Variants in RANBP2 observed in about 807,000 individuals in gnomAD.
RANBP2 encodes the protein RAN binding protein 2, also known as E3 SUMO-protein ligase RanBP2.
A neutral mutation model predicts 303.6 loss-of-function variants in RANBP2; 57 were observed. The observed-to-expected ratio is 0.19, with a 90% confidence interval of 0.15 to 0.23. The LOEUF is 0.23. RANBP2 is among the 10% of genes least tolerant of loss of function. The probability of loss-of-function intolerance (pLI) is 1.00; values close to 1 mark genes in which losing one functional copy is unlikely to be tolerated. For missense variants in RANBP2, 3,138 were observed against 3,780.8 expected (o/e 0.83, Z 4.46); for synonymous variants, 1,167 against 1,301.5 (o/e 0.90, Z 2.23).
the RANBP2 span, among the ~76,000 whole-genome samples, chr2:109,512,464 T>TG: frequency 1.3e-5 from 2 of 152,090 alleles, no homozygotes; most frequent in African/African-American, 4.8e-5. Context: ...CCAGGCTGCC[T>TG]GGGGGTCCAC....
At chr2:108,994,826 A>C in the RANBP2 span, among the ~76,000 whole-genome samples, 292 of 4,132 alleles carry the variant, frequency 0.071, 1 homozygote, top group African/African-American at 0.21. Context: ...ATATATATAT[A>C]TATCTTTTTT....
chr2:109,163,657 C>T, the RANBP2 span, among the ~76,000 whole-genome samples: 1 of 152,028 alleles, frequency 6.6e-6, no homozygotes, highest in Non-Finnish European at 1.5e-5. Flanking sequence ...CCTCGGCCTC[C>T]CAAAGTGCTG....
At chr2:108,843,547 A>G in the RANBP2 span, among the ~76,000 whole-genome samples, 1 of 152,296 alleles carries the variant, frequency 6.6e-6, no homozygotes, top group South Asian at 2.1e-4. Context: ...TTCACTGGGT[A>G]TCAGATTCTA....
intron 18 of RANBP2, among the ~76,000 whole-genome samples, chr2:108,759,782 T>A (rs1676594559): frequency 6.6e-6 from 1 of 152,180 alleles, no homozygotes. Flanking sequence ...TTCCTGGGGC[T>A]TTTTTAGTGA....
the RANBP2 span, among the ~76,000 whole-genome samples, chr2:108,853,901 T>A: frequency 1.5e-4 from 18 of 118,618 alleles, no homozygotes; most frequent in South Asian, 2.0e-3. Flanking sequence ...GTATATATAT[T>A]ATATATTATA....
At chr2:108,826,479 C>T in the RANBP2 span, among the ~76,000 whole-genome samples, 1 of 152,060 alleles carries the variant, frequency 6.6e-6, no homozygotes, top group Non-Finnish European at 1.5e-5. Flanking sequence ...TGTAGATACC[C>T]ATTTGTTTCA....
the RANBP2 span, among the ~76,000 whole-genome samples, chr2:109,163,390 CTTTTTTTT>C: frequency 1.3e-4 from 9 of 70,266 alleles, no homozygotes; most frequent in South Asian, 6.8e-4. Flanking sequence ...AGCAAATATT[CTTTTTTTT>C]TTTTTTTTTT....
chr2:109,656,584 C>T, the RANBP2 span, among the ~76,000 whole-genome samples: 2,567 of 152,324 alleles, frequency 0.017, 90 homozygotes, highest in African/African-American at 0.058. Context: ...AGGTGATCCA[C>T]CCTCCTCGGC....
At chr2:109,410,092 A>C in the RANBP2 span, among the ~76,000 whole-genome samples, 20 of 152,208 alleles carry the variant, frequency 1.3e-4, no homozygotes, top group African/African-American at 4.8e-4. Context: ...GTTCCCAGCC[A>C]CTGCTTAGGG....
chr2:109,133,085 G>A, the RANBP2 span, among the ~76,000 whole-genome samples: 2 of 152,232 alleles, frequency 1.3e-5, no homozygotes, highest in African/African-American at 2.4e-5. Context: ...GGAGCTGACA[G>A]TAGAGGTAGT....
chr2:108,944,466 G>A, the RANBP2 span, among the ~76,000 whole-genome samples: 433 of 152,318 alleles, frequency 2.8e-3, no homozygotes, highest in African/African-American at 9.7e-3. Context: ...TATGGCTGCG[G>A]CAACAATGGC....
the RANBP2 span, chr2:109,251,774 C>CA: frequency 5.7e-6 from 3 of 526,056 alleles, no homozygotes; most frequent in Non-Finnish European, 1.0e-5. Context: ...TTGTAATAGT[C>CA]AAAAAAAGAA....
chr2:109,195,597 T>A, the RANBP2 span, among the ~76,000 whole-genome samples: 1 of 152,244 alleles, frequency 6.6e-6, no homozygotes, highest in African/African-American at 2.4e-5. Context: ...GCTGGAGCTA[T>A]TTTTGCATCG....
chr2:108,894,955 G>GTT, the RANBP2 span: 1 of 152,232 alleles, frequency 6.6e-6, no homozygotes, highest in African/African-American at 2.4e-5. Context: ...GGTGCAAGCT[G>GTT]TTATCCTGGA....
chr2:109,548,083 A>C, the RANBP2 span, among the ~76,000 whole-genome samples: 9,786 of 152,176 alleles, frequency 0.064, 749 homozygotes, highest in East Asian at 0.24. Flanking sequence ...ATGAGAGGAA[A>C]TACAGATGAA....
chr2:109,026,556 C>T, the RANBP2 span, among the ~76,000 whole-genome samples: 2 of 152,244 alleles, frequency 1.3e-5, no homozygotes, highest in East Asian at 1.9e-4. Flanking sequence ...CATGAGCTCC[C>T]AGCTCTAAGG....
chr2:109,709,731 C>T, the RANBP2 span, among the ~76,000 whole-genome samples: 1 of 152,216 alleles, frequency 6.6e-6, no homozygotes, highest in African/African-American at 2.4e-5. Flanking sequence ...GGTCTTTGAT[C>T]ATATTTAAAA....
At chr2:109,126,236 G>A in the RANBP2 span, among the ~76,000 whole-genome samples, 1 of 152,188 alleles carries the variant, frequency 6.6e-6, no homozygotes, top group Non-Finnish European at 1.5e-5. Flanking sequence ...TCCTGTGGGT[G>A]CTGGTTATGG....
chr2:109,677,651 C>T, the RANBP2 span, among the ~76,000 whole-genome samples: 2 of 152,188 alleles, frequency 1.3e-5, no homozygotes, highest in Admixed American at 6.5e-5. Context: ...GCACGTCCTG[C>T]CTTCTCTTCC....
Sources: allele counts gnomAD v4.1 joint callset (sites outside exome capture counted in the v4.1 genomes callset), GRCh38; gene constraint gnomAD v4.1.1; transcripts MANE v1.5; gene names NCBI Gene and HGNC (gene_info 2026-07-23, HGNC 2026-07-21).